Variants in LDB2 observed in about 807,000 individuals in gnomAD.
LDB2 encodes LIM domain-binding protein 2.
LDB2 carries 12 observed loss-of-function variants against 44.3 expected under a neutral mutation model. That is an observed-to-expected ratio of 0.27 (90% CI 0.17 to 0.44). The LOEUF is 0.44. Ranked by LOEUF, LDB2 falls within the 20% of genes least tolerant of loss-of-function variation. The probability of loss-of-function intolerance (pLI) is 1.00; values close to 1 mark genes in which losing one functional copy is unlikely to be tolerated. For synonymous variants in LDB2, 164 were observed against 174.8 expected, an observed-to-expected ratio of 0.94 and a Z score of 0.49; for missense variants, 344 against 473.5, an observed-to-expected ratio of 0.73 and a Z score of 2.54.
chr4:16,895,326 T>C (rs1192323786), intron 1 of LDB2, among the ~76,000 whole-genome samples: 1 of 152,100 alleles, frequency 6.6e-6, no homozygotes, highest in Non-Finnish European at 1.5e-5. Context: ...TGGATCCCCA[T>C]GAGAAAATGC....
chr4:16,567,877 TAGTG>T (rs1024873639), intron 5 of LDB2, among the ~76,000 whole-genome samples: 144 of 152,262 alleles, frequency 9.5e-4, no homozygotes, highest in African/African-American at 3.2e-3. Context: ...CAAAATGAGA[TAGTG>T]AGGGTTAGTT....
At chr4:16,830,404 G>T (rs1033282063) in intron 1 of LDB2, among the ~76,000 whole-genome samples, 2 of 152,138 alleles carry the variant, frequency 1.3e-5, no homozygotes, top group Non-Finnish European at 2.9e-5. Context: ...TGTGGTGATT[G>T]TAAGTCCCCC....
intron 2 of LDB2, among the ~76,000 whole-genome samples, chr4:16,720,836 A>G (rs1758115525): frequency 6.6e-6 from 1 of 152,140 alleles, no homozygotes; most frequent in Admixed American, 6.6e-5. Context: ...TCGTTATCTT[A>G]TTTCATGGAT....
At chr4:16,887,598 C>A (rs1722119204) in intron 1 of LDB2, among the ~76,000 whole-genome samples, 1 of 152,002 alleles carries the variant, frequency 6.6e-6, no homozygotes, top group South Asian at 2.1e-4. Flanking sequence ...TGCTTCTCTA[C>A]ACAGATTTTC....
At chr4:16,628,097 C>G (rs563836172) in intron 2 of LDB2, among the ~76,000 whole-genome samples, 1 of 152,106 alleles carries the variant, frequency 6.6e-6, no homozygotes, top group African/African-American at 2.4e-5. Flanking sequence ...GAAAGAGAAA[C>G]GAGGCTGCAT....
intron 2 of LDB2, among the ~76,000 whole-genome samples, chr4:16,633,268 C>T (rs1732538532): frequency 6.6e-6 from 1 of 152,062 alleles, no homozygotes; most frequent in Non-Finnish European, 1.5e-5. Flanking sequence ...AGGGGAACAT[C>T]ACACACCAGG....
chr4:16,744,829 T>A (rs1187870588), intron 2 of LDB2, among the ~76,000 whole-genome samples: 1 of 152,328 alleles, frequency 6.6e-6, no homozygotes, highest in Admixed American at 6.5e-5. Flanking sequence ...CCTGACTTTA[T>A]TACCAGCTAG....
At chr4:16,715,057 G>A (rs924754528) in intron 2 of LDB2, among the ~76,000 whole-genome samples, 1 of 152,146 alleles carries the variant, frequency 6.6e-6, no homozygotes. Context: ...GATGTCATAT[G>A]TGACCAGCTT....
intron 1 of LDB2, among the ~76,000 whole-genome samples, chr4:16,897,713 C>A (rs754065132): frequency 6.6e-6 from 1 of 151,668 alleles, no homozygotes; most frequent in Non-Finnish European, 1.5e-5. Context: ...AGTCTAGAGT[C>A]CCCTTGCCCC....
intron 1 of LDB2, among the ~76,000 whole-genome samples, chr4:16,855,458 T>C (rs1292698330): frequency 2.6e-5 from 4 of 152,160 alleles, no homozygotes; most frequent in Non-Finnish European, 5.9e-5. Flanking sequence ...AAAACACTTG[T>C]ATGATTGTTG....
chr4:16,686,886 G>T (rs981566601), intron 2 of LDB2, among the ~76,000 whole-genome samples: 7 of 152,006 alleles, frequency 4.6e-5, no homozygotes, highest in Non-Finnish European at 7.4e-5. Flanking sequence ...GGTGGGGTTG[G>T]GGGGATCCTT....
intron 1 of LDB2, among the ~76,000 whole-genome samples, chr4:16,835,751 A>G (rs1784795045): frequency 6.6e-6 from 1 of 152,238 alleles, no homozygotes; most frequent in South Asian, 2.1e-4. Flanking sequence ...CTATAGCCTC[A>G]GCAATATTTG....
chr4:16,779,700 G>A lies in LDB2; in HGVS notation c.133-20440C>T, dbSNP rs981117975. 9.2e-5 allele frequency among the ~76,000 whole-genome samples: 14 copies of A among 152,326 alleles called. No homozygotes were observed. In the East Asian group the frequency reaches 2.7e-3, roughly 29 times the overall value. On this transcript the variant is annotated intron_variant, in intron 1 of 7. Transcript: ENST00000304523. ...TAATGCTGAGTAGTCAAAGGAAATG[G>A]ATGAATAGGGCAAGTTAGTTTTCCC... is the stretch of plus-strand genomic sequence containing the variant.
At chr4:16,884,487 C>G (rs954490042) in intron 1 of LDB2, among the ~76,000 whole-genome samples, 1 of 152,184 alleles carries the variant, frequency 6.6e-6, no homozygotes, top group African/African-American at 2.4e-5. Context: ...CACCCCAGAC[C>G]TTAAGCCTCA....
chr4:16,862,633 CAAAAAAAAAAAAA>C (rs58157857), intron 1 of LDB2, among the ~76,000 whole-genome samples: 25 of 45,084 alleles, frequency 5.5e-4, no homozygotes, highest in South Asian at 2.6e-3. Context: ...AATTCCATCT[CAAAAAAAAAAAAA>C]AAAAAAAAAA....
At chr4:16,751,926 C>T (rs1346065483) in intron 2 of LDB2, among the ~76,000 whole-genome samples, 3 of 152,150 alleles carry the variant, frequency 2.0e-5, no homozygotes, top group Non-Finnish European at 4.4e-5. Context: ...ATATCAGTTC[C>T]CACTGCACTC....
chr4:16,756,767 C>T (rs973527101), intron 2 of LDB2, among the ~76,000 whole-genome samples: 2 of 151,862 alleles, frequency 1.3e-5, no homozygotes, highest in African/African-American at 2.4e-5. Context: ...GAATGACATA[C>T]AATAAATAAA....
chr4:16,616,011 T>C (rs966166839), intron 2 of LDB2, among the ~76,000 whole-genome samples: 4 of 152,202 alleles, frequency 2.6e-5, no homozygotes, highest in African/African-American at 7.2e-5. Flanking sequence ...GTTGTACAGA[T>C]GGTATAAAAC....
intron 3 of LDB2, among the ~76,000 whole-genome samples, chr4:16,594,538 AT>A (rs1720223724): frequency 6.6e-6 from 1 of 152,246 alleles, no homozygotes. Flanking sequence ...ATGCCGTAGA[AT>A]TAATGGTATT....
Sources: gnomAD v4.1 joint callset for allele counts (sites outside exome capture counted in the v4.1 genomes callset) on GRCh38, gnomAD v4.1.1 for gene constraint, MANE v1.5 for transcripts, NCBI Gene and HGNC (gene_info 2026-07-23, HGNC 2026-07-21) for gene names.